Variants in PPP4R3B observed in about 807,000 individuals in gnomAD.
PPP4R3B encodes protein phosphatase 4 regulatory subunit 3B.
A neutral mutation model predicts 95.4 loss-of-function variants in PPP4R3B; 52 were observed. The observed-to-expected ratio is 0.54, with a 90% CI of 0.44 to 0.69. PPP4R3B has a LOEUF of 0.69. Ranked by LOEUF, PPP4R3B falls within the 30% of genes least tolerant of loss-of-function variation. The pLI is 0.00. For synonymous variants in PPP4R3B, 407 were observed against 343.9 expected, an observed-to-expected ratio of 1.18 and a Z score of -2.03; for missense variants, 1,003 against 1,005.9, an observed-to-expected ratio of 1.00 and a Z score of 0.04.
chr2:55,604,817 T>C lies in PPP4R3B; in HGVS notation c.199-741A>G, dbSNP rs78368803. On this transcript the variant is annotated intron_variant, in intron 2 of 16. Coordinates refer to ENST00000616407, the MANE Select transcript of PPP4R3B (RefSeq NM_001122964.3). The stretch of plus-strand genomic sequence containing the variant: ...ATAGACACACACACACACACACACA[T>C]ACACACAAATATACATATATATATT... Among the ~76,000 whole-genome samples the C allele has an allele frequency of 3.7e-3, 475 of 130,096 alleles. 1 individual carries two copies. Among genetic ancestry groups the C allele is most frequent in the South Asian group, 4.8e-3 (20 of 4,154 alleles). The allele number at this position is 130,096 out of a possible 152,430, so 85.3% of individuals were successfully genotyped here. A position where few individuals can be genotyped will look rare whatever the true frequency, so the allele number is the denominator to read the frequency against.
rs1368736234 is a variant in PPP4R3B, at chr2:55,617,463, G to A, written c.-178C>T. The stretch of plus-strand genomic sequence containing the variant: ...GCGAGAAGGGGTGACAAGAGCCACT[G>A]AGGCCTCTCCGCCCGGAGGCCCCGT... On this transcript the variant is annotated 5_prime_UTR_variant, in exon 1 of 17. Coordinates refer to ENST00000616407, the MANE Select transcript of PPP4R3B (RefSeq NM_001122964.3). 10 of 643,628 alleles carry A rather than the reference G, an allele frequency of 1.6e-5. No individual in the cohort carries two copies. The highest frequency in any genetic ancestry group is 5.6e-5 in the African/African-American group (3 of 54,012). The allele number at this position is 643,628 out of a possible 1,614,324, so 39.9% of individuals were successfully genotyped here.
intron 14 of PPP4R3B, among the ~76,000 whole-genome samples, 198 bp from the exon 15 acceptor site, chr2:55,564,695 A>G (rs548521994): frequency 6.6e-6 from 1 of 152,210 alleles, no homozygotes; most frequent in Non-Finnish European, 1.5e-5. Flanking sequence ...AAATTAAACT[A>G]AATATTCTTC....
chr2:55,584,399 G>C (rs1689846895), intron 7 of PPP4R3B, among the ~76,000 whole-genome samples: 1 of 152,032 alleles, frequency 6.6e-6, no homozygotes, highest in African/African-American at 2.4e-5. Context: ...TTGGTTACAT[G>C]AGTAAGTTCT....
intron 16 of PPP4R3B, among the ~76,000 whole-genome samples, chr2:55,557,716 GGTAT>G (rs1465352606): frequency 6.6e-6 from 1 of 151,940 alleles, no homozygotes; most frequent in African/African-American, 2.4e-5. Flanking sequence ...CCTTTAATTA[GGTAT>G]GTACTACCAC....
chr2:55,583,590 G>T (rs956072276), intron 7 of PPP4R3B, among the ~76,000 whole-genome samples: 7 of 152,168 alleles, frequency 4.6e-5, no homozygotes, highest in Non-Finnish European at 8.8e-5. Flanking sequence ...CATCACTGAA[G>T]ATGGAGCAAT....
At position 55,561,340 on chromosome 2, in the gene PPP4R3B, G is replaced by A. The variant is rs1163872473; in HGVS notation, c.2261-2372C>T. 2.0e-5 allele frequency among the ~76,000 whole-genome samples: 3 copies of A among 152,230 alleles called. No individual in the cohort carries two copies. The East Asian group carries it at 5.8e-4, about 29-fold the overall frequency. On this transcript the variant is annotated intron_variant, in intron 15 of 16. Transcript: ENST00000616407. ...GGCAGAAATCTGCTGCAGGGGCAGA[G>A]CTCTTATGAAGAACCTCTACTAGGG...
chr2:55,588,497 G>T (rs941919132), intron 5 of PPP4R3B, among the ~76,000 whole-genome samples: 3 of 141,466 alleles, frequency 2.1e-5, no homozygotes, highest in Non-Finnish European at 4.5e-5. Flanking sequence ...TGGGCAACAA[G>T]AGCGAAACTC....
At chr2:55,567,984 C>T (rs940591525) in intron 13 of PPP4R3B, 4 of 283,338 alleles carry the variant, frequency 1.4e-5, no homozygotes, top group East Asian at 6.0e-5. Flanking sequence ...AAAGTAAAAA[C>T]CACTAAACTA....
At position 55,548,764 on chromosome 2, in the gene PPP4R3B, A is replaced by C. The variant is rs906606713; in HGVS notation, c.*1147T>G. ...TCGGCATGATCTCAGATCATAGATG[A>C]GCAAACTAACATTAAAATATTTACA... On this transcript the variant is annotated 3_prime_UTR_variant, in exon 17 of 17. Transcript: ENST00000616407. The C allele has an allele frequency of 6.6e-6, 1 of 152,612 alleles. No individual in the cohort carries two copies. The highest frequency in any genetic ancestry group is 1.5e-5 in the Non-Finnish European group (1 of 68,036). 9.5% of individuals were successfully genotyped at this position (152,612 alleles called of 1,614,324 possible).
chr2:55,610,197 A>G (rs1460668294), intron 2 of PPP4R3B, among the ~76,000 whole-genome samples: 1 of 152,078 alleles, frequency 6.6e-6, no homozygotes, highest in Non-Finnish European at 1.5e-5. Context: ...CTTCAAGTCC[A>G]TTTACCGTGG....
At chr2:55,589,027 A>G (rs1452103152) in intron 4 of PPP4R3B, 71 bp from the exon 5 acceptor site, 4 of 921,278 alleles carry the variant, frequency 4.3e-6, no homozygotes, top group Non-Finnish European at 6.7e-6. Flanking sequence ...TATGACTTAC[A>G]CAAATTATAA....
At chr2:55,610,631 G>A (rs531835675) in intron 2 of PPP4R3B, among the ~76,000 whole-genome samples, 7 of 152,170 alleles carry the variant, frequency 4.6e-5, no homozygotes, top group Non-Finnish European at 1.0e-4. Flanking sequence ...GCACATACCT[G>A]CTGTATAATC....
At chr2:55,608,458 T>G (rs1046800003) in intron 2 of PPP4R3B, among the ~76,000 whole-genome samples, 1 of 152,238 alleles carries the variant, frequency 6.6e-6, no homozygotes, top group Non-Finnish European at 1.5e-5. Flanking sequence ...TACCAATAAC[T>G]GATCCATCAC....
intron 2 of PPP4R3B, among the ~76,000 whole-genome samples, chr2:55,608,994 A>G (rs900966587): frequency 6.6e-6 from 1 of 152,116 alleles, no homozygotes; most frequent in African/African-American, 2.4e-5. Context: ...CCTGCCTCCA[A>G]AAAAATTCCA....
At chr2:55,553,986 G>A (rs980122500) in intron 16 of PPP4R3B, among the ~76,000 whole-genome samples, 2 of 152,254 alleles carry the variant, frequency 1.3e-5, no homozygotes, top group Middle Eastern at 3.4e-3. Flanking sequence ...GAGGTAGCTG[G>A]GTCATATGGT....
intron 2 of PPP4R3B, among the ~76,000 whole-genome samples, chr2:55,609,000 T>C (rs896109057): frequency 2.0e-5 from 3 of 152,002 alleles, no homozygotes; most frequent in African/African-American, 7.3e-5. Context: ...TCCAAAAAAA[T>C]TCCAAACGAA....
rs779953497 is a variant in PPP4R3B at position 55,558,763 on chromosome 2, T to G, written c.2454+12A>C. ...GAAAAGCAAAGTTTGTGTGTAATGCTGTTTCACCTACCTTGGTGGCTGTTA... is the reference window on the plus strand; with the variant it reads ...GAAAAGCAAAGTTTGTGTGTAATGCGGTTTCACCTACCTTGGTGGCTGTTA... On this transcript the variant is annotated intron_variant, in intron 16 of 16. Transcript: ENST00000616407. The G allele has an allele frequency of 6.4e-7, 1 of 1,572,310 alleles. No individual in the cohort carries two copies. Among genetic ancestry groups the G allele is most frequent in the Non-Finnish European group, 8.7e-7 (1 of 1,154,668 alleles).
intron 11 of PPP4R3B, among the ~76,000 whole-genome samples, chr2:55,574,119 C>G (rs1688350282): frequency 6.6e-6 from 1 of 151,660 alleles, no homozygotes; most frequent in African/African-American, 2.4e-5. Flanking sequence ...TCTCAAACTC[C>G]TGGACTCAAG....
intron 4 of PPP4R3B, among the ~76,000 whole-genome samples, chr2:55,595,524 TG>T (rs1691644059): frequency 6.6e-6 from 1 of 151,790 alleles, no homozygotes; most frequent in Admixed American, 6.6e-5. Flanking sequence ...AAAATATTTA[TG>T]AATTCATTTT....
Sources: gnomAD v4.1 joint callset for allele counts (sites outside exome capture counted in the v4.1 genomes callset) on GRCh38, gnomAD v4.1.1 for gene constraint, MANE v1.5 for transcripts, NCBI Gene and HGNC (gene_info 2026-07-23, HGNC 2026-07-21) for gene names.